Variants in FAM110B observed in about 807,000 individuals in gnomAD.
FAM110B encodes protein FAM110B.
In FAM110B, 6 loss-of-function variants were observed where a neutral mutation model predicts 20.4. The observed-to-expected ratio is 0.29, with a 90% CI of 0.16 to 0.58. The LOEUF is 0.58. Ranked by LOEUF, FAM110B falls within the 20% of genes least tolerant of loss-of-function variation. FAM110B has a pLI of 0.90. For missense variants in FAM110B, 434 were observed against 498.2 expected, an observed-to-expected ratio of 0.87 and a Z score of 1.23; for synonymous variants, 226 against 214.1, an observed-to-expected ratio of 1.06 and a Z score of -0.49.
rs1585869280 is a variant in FAM110B at position 58,081,423 on chromosome 8, T to C, written c.-325+5800T>C. 3.3e-5 allele frequency among the ~76,000 whole-genome samples: 5 copies of C among 152,260 alleles called. No individual in the cohort carries two copies. In the South Asian group the frequency reaches 1.0e-3, roughly 32 times the overall value. On this transcript the variant is annotated intron_variant, in intron 3 of 3. Transcript: ENST00000519262. Reference sequence around the variant, plus strand: ...GGCTTCGCCATATTGGATACGCTGGTCTCGAACTCCTGACCTCAAGTGATC... The same window carrying C: ...GGCTTCGCCATATTGGATACGCTGGCCTCGAACTCCTGACCTCAAGTGATC...
intron 3 of FAM110B, among the ~76,000 whole-genome samples, chr8:58,132,236 C>T (rs921097272): frequency 5.3e-5 from 8 of 152,258 alleles, no homozygotes; most frequent in African/African-American, 1.9e-4. Context: ...CTCACTCCCC[C>T]TCACTGATGT....
At chr8:58,030,956 G>A (rs879883609) in intron 1 of FAM110B, among the ~76,000 whole-genome samples, 1 of 152,110 alleles carries the variant, frequency 6.6e-6, no homozygotes, top group African/African-American at 2.4e-5. Context: ...TTTGTAAAAA[G>A]GAGTCATTTC....
chr8:58,144,812 T>C (rs1361084495), intron 3 of FAM110B, among the ~76,000 whole-genome samples: 1 of 152,194 alleles, frequency 6.6e-6, no homozygotes, highest in East Asian at 1.9e-4. Flanking sequence ...ATGGGAGGAA[T>C]TGTTTCCAGG....
chr8:58,036,843 G>A (rs898833234), intron 2 of FAM110B, among the ~76,000 whole-genome samples: 1 of 152,172 alleles, frequency 6.6e-6, no homozygotes, highest in African/African-American at 2.4e-5. Context: ...TTAATATGTA[G>A]TAGTATACAG....
chr8:58,036,762 C>T (rs1167243915), intron 2 of FAM110B, among the ~76,000 whole-genome samples: 1 of 152,168 alleles, frequency 6.6e-6, no homozygotes, highest in Non-Finnish European at 1.5e-5. Flanking sequence ...GAGTTTGCTT[C>T]CTTATTTGCT....
chr8:58,125,506 AT>A (rs1432875717), intron 3 of FAM110B, among the ~76,000 whole-genome samples: 3 of 152,238 alleles, frequency 2.0e-5, no homozygotes, highest in Non-Finnish European at 2.9e-5. Flanking sequence ...TTTAAAAAAC[AT>A]TTTAATCCAT....
At chr8:58,140,547 A>AC (rs1228838288) in intron 3 of FAM110B, among the ~76,000 whole-genome samples, 1 of 152,090 alleles carries the variant, frequency 6.6e-6, no homozygotes, top group East Asian at 1.9e-4. Flanking sequence ...GCTCTGACTC[A>AC]CCTCTGTGCA....
intron 3 of FAM110B, among the ~76,000 whole-genome samples, chr8:58,089,617 C>T (rs1193056697): frequency 6.6e-6 from 1 of 152,116 alleles, no homozygotes; most frequent in African/African-American, 2.4e-5. Flanking sequence ...AAAAGACATC[C>T]ATTGGGGGAA....
intron 2 of FAM110B, among the ~76,000 whole-genome samples, chr8:58,073,998 G>A (rs1302994626): frequency 6.6e-6 from 1 of 152,072 alleles, no homozygotes; most frequent in Non-Finnish European, 1.5e-5. Context: ...TAGGTCCTGC[G>A]GTCAGGAAAT....
intron 1 of FAM110B, 56 bp from the exon 2 acceptor site, chr8:58,031,549 CT>C (rs1426453855): frequency 6.6e-6 from 1 of 152,074 alleles, no homozygotes; most frequent in African/African-American, 2.4e-5. Flanking sequence ...TGAATGATAC[CT>C]TTTAATCACT....
intron 3 of FAM110B, among the ~76,000 whole-genome samples, chr8:58,125,373 G>T (rs924462373): frequency 7.9e-5 from 12 of 152,078 alleles, no homozygotes; most frequent in African/African-American, 2.7e-4. Flanking sequence ...CTCTTTCAAA[G>T]AACACTATTA....
chr8:58,104,160 G>C (rs1404955599), intron 3 of FAM110B, among the ~76,000 whole-genome samples: 2 of 152,166 alleles, frequency 1.3e-5, no homozygotes, highest in Non-Finnish European at 2.9e-5. Flanking sequence ...ACATTGATTG[G>C]ATAAGATGTT....
chr8:58,024,285 T>C (rs1804812449), intron 1 of FAM110B, among the ~76,000 whole-genome samples: 2 of 152,054 alleles, frequency 1.3e-5, no homozygotes, highest in South Asian at 4.1e-4. Flanking sequence ...TCTTTTTCCA[T>C]AGCATGTGAG....
chr8:58,071,595 C>T (rs1166682624), intron 2 of FAM110B, among the ~76,000 whole-genome samples: 1 of 152,204 alleles, frequency 6.6e-6, no homozygotes, highest in African/African-American at 2.4e-5. Flanking sequence ...CTTCCGAGTA[C>T]TTACCAACCG....
chr8:58,033,998 C>T (rs1805024979), intron 2 of FAM110B, among the ~76,000 whole-genome samples: 1 of 152,140 alleles, frequency 6.6e-6, no homozygotes, highest in Non-Finnish European at 1.5e-5. Flanking sequence ...TCACTGGATG[C>T]CCACCAGTAT....
intron 1 of FAM110B, among the ~76,000 whole-genome samples, chr8:57,998,875 A>G (rs1006407800): frequency 2.0e-5 from 3 of 152,232 alleles, no homozygotes; most frequent in African/African-American, 7.2e-5. Context: ...CTTTTGTAAT[A>G]TAAAATTAAT....
chr8:58,015,272 G>A (rs182353548), intron 1 of FAM110B, among the ~76,000 whole-genome samples: 65 of 152,044 alleles, frequency 4.3e-4, no homozygotes, highest in African/African-American at 1.4e-3. Context: ...CAGGGCAATC[G>A]CTTGAACCCT....
chr8:58,026,338 T>A (rs1804855196), intron 1 of FAM110B, among the ~76,000 whole-genome samples: 1 of 151,960 alleles, frequency 6.6e-6, no homozygotes. Context: ...GACTCTTTTT[T>A]ACTTAATCTT....
At position 58,000,194 on chromosome 8, in the gene FAM110B, G is replaced by A. The variant is rs985910811; in HGVS notation, c.-512+5388G>A. Among the ~76,000 whole-genome samples the A allele has an allele frequency of 2.6e-5, 4 of 152,254 alleles. No homozygotes were observed. The East Asian group carries it at 5.8e-4, about 22-fold the overall frequency. On this transcript the variant is annotated intron_variant, in intron 1 of 3. Coordinates refer to ENST00000519262, the MANE Select transcript of FAM110B (RefSeq NM_001377989.1). ...CCCTTGTGAGGAACAGGAGATAGCA[G>A]CCAAGGAACCAGGTCAGCAGGGCCT...
Sources: allele counts gnomAD v4.1 joint callset (sites outside exome capture counted in the v4.1 genomes callset), GRCh38; gene constraint gnomAD v4.1.1; transcripts MANE v1.5; gene names NCBI Gene and HGNC (gene_info 2026-07-23, HGNC 2026-07-21).